Variants in DNM3 observed in about 807,000 individuals in gnomAD.
DNM3 encodes dynamin-3.
A neutral mutation model predicts 101.6 loss-of-function variants in DNM3; 47 were observed. The observed-to-expected ratio is 0.46, with a 90% CI of 0.37 to 0.59. DNM3 has a LOEUF of 0.59. Among genes scored for constraint, DNM3 ranks in the 20% least tolerant of loss-of-function variants. DNM3 has a pLI of 0.00. For missense variants in DNM3, 849 were observed against 1,085.7 expected, an observed-to-expected ratio of 0.78 and a Z score of 3.06; for synonymous variants, 385 against 387.9, an observed-to-expected ratio of 0.99 and a Z score of 0.09.
chr1:172,101,868 T>C (rs1161801668), intron 13 of DNM3, among the ~76,000 whole-genome samples: 2 of 138,116 alleles, frequency 1.4e-5, no homozygotes, highest in Admixed American at 1.5e-4. Context: ...TATTACTTAA[T>C]TTTTTTTTTT....
chr1:172,088,191 G>A (rs2053663719), intron 12 of DNM3, among the ~76,000 whole-genome samples: 2 of 152,154 alleles, frequency 1.3e-5, no homozygotes, highest in African/African-American at 2.4e-5. Context: ...GGCATTGTTG[G>A]AAACCCAACT....
chr1:171,965,919 C>T (rs2043555514), intron 2 of DNM3, among the ~76,000 whole-genome samples: 1 of 152,076 alleles, frequency 6.6e-6, no homozygotes, highest in South Asian at 2.1e-4. Flanking sequence ...AGAATCCCCC[C>T]ATTAGCGTAA....
chr1:172,307,356 C>G (rs1171510246), intron 15 of DNM3, among the ~76,000 whole-genome samples: 1 of 152,048 alleles, frequency 6.6e-6, no homozygotes, highest in Non-Finnish European at 1.5e-5. Context: ...GAATGGCGAT[C>G]AATAAAGTCA....
chr1:172,199,368 G>T (rs562892307), intron 14 of DNM3, among the ~76,000 whole-genome samples: 6 of 152,152 alleles, frequency 3.9e-5, no homozygotes, highest in African/African-American at 1.4e-4. Context: ...GTAGCAAGGA[G>T]AAGAATGTAT....
intron 15 of DNM3, among the ~76,000 whole-genome samples, chr1:172,284,078 C>T (rs937647833): frequency 2.0e-5 from 3 of 152,298 alleles, no homozygotes; most frequent in Admixed American, 6.5e-5. Context: ...AATAATCTCA[C>T]AGCTGCTACG....
At chr1:172,294,268 T>C (rs1351784378) in intron 15 of DNM3, among the ~76,000 whole-genome samples, 1 of 152,190 alleles carries the variant, frequency 6.6e-6, no homozygotes, top group Non-Finnish European at 1.5e-5. Flanking sequence ...TCATTCTGCT[T>C]GTTTTGGTTT....
Position 172,308,743 on chromosome 1 carries a change from C to G in DNM3, c.1785C>G (p.Asp595Glu). The G allele has an allele frequency of 1.9e-6, 3 of 1,590,904 alleles. No homozygotes were observed. Among genetic ancestry groups the G allele is most frequent in the Non-Finnish European group, 2.6e-6 (3 of 1,170,220 alleles). The change falls in exon 16 of 21, where the codon GAC becomes GAG. Residue 595 changes from aspartate to glutamate, a missense_variant. Asp to Glu is a conservative substitution (Grantham distance 45). Around this residue, in one of 5 missense-constraint regions of DNM3, gnomAD observed 193 missense variants for 238.4 expected, o/e 0.81. Coordinates refer to ENST00000627582, the MANE Select transcript of DNM3 (RefSeq NM_015569.5). ...TTAACTCCAGGAATGTATACAAAGA[C>G]TATCGCTTCCTTGAGCTGGCATGTG... Reference protein sequence around the residue: ...FNTEQRNVYKDYRFLELACDS... With the variant: ...FNTEQRNVYKEYRFLELACDS...
intron 14 of DNM3, among the ~76,000 whole-genome samples, chr1:172,195,705 A>C (rs1170237340): frequency 6.6e-6 from 1 of 151,904 alleles, no homozygotes; most frequent in Non-Finnish European, 1.5e-5. Flanking sequence ...TAATATGCTG[A>C]TGTGAAGGAT....
intron 2 of DNM3, among the ~76,000 whole-genome samples, chr1:171,923,154 A>G (rs77040807): frequency 0.042 from 6,469 of 152,282 alleles, 457 homozygotes; most frequent in African/African-American, 0.15. Context: ...CCCATTTTAC[A>G]TTCCTACCGG....
At chr1:172,350,415 A>AT (rs1231416221) in intron 17 of DNM3, among the ~76,000 whole-genome samples, 8 of 151,630 alleles carry the variant, frequency 5.3e-5, no homozygotes, top group East Asian at 1.9e-4. Context: ...AGAGAGCTGG[A>AT]TTTTTTTTGC....
intron 14 of DNM3, among the ~76,000 whole-genome samples, chr1:172,209,438 A>G (rs572394124): frequency 2.1e-4 from 32 of 152,122 alleles, no homozygotes; most frequent in Non-Finnish European, 2.9e-4. Flanking sequence ...TCATTTTTCA[A>G]CTTTACTTAT....
At chr1:171,886,866 T>C (rs1281290810) in intron 1 of DNM3, among the ~76,000 whole-genome samples, 1 of 152,130 alleles carries the variant, frequency 6.6e-6, no homozygotes, top group African/African-American at 2.4e-5. Flanking sequence ...TTTTTTTTTG[T>C]GAGTTGGCAC....
At chr1:172,287,234 A>T (rs1207156282) in intron 15 of DNM3, among the ~76,000 whole-genome samples, 2 of 152,176 alleles carry the variant, frequency 1.3e-5, no homozygotes, top group Admixed American at 1.3e-4. Flanking sequence ...TTATTTTAGC[A>T]TTTGGGGATG....
At chr1:172,396,581 A>T (rs1337781708) in intron 20 of DNM3, among the ~76,000 whole-genome samples, 1 of 152,228 alleles carries the variant, frequency 6.6e-6, no homozygotes, top group African/African-American at 2.4e-5. Context: ...AGAATCCCTC[A>T]GCTTCTATGG....
At chr1:172,121,699 T>A (rs1172180519) in intron 13 of DNM3, among the ~76,000 whole-genome samples, 1 of 152,226 alleles carries the variant, frequency 6.6e-6, no homozygotes, top group Non-Finnish European at 1.5e-5. Flanking sequence ...TTATAAAATC[T>A]TTGTTAGTTG....
chr1:171,935,985 A>G (rs1558292135), intron 2 of DNM3, among the ~76,000 whole-genome samples: 1 of 151,332 alleles, frequency 6.6e-6, no homozygotes, highest in East Asian at 1.9e-4. Flanking sequence ...GAAACAATCC[A>G]TTTGGAATTT....
intron 4 of DNM3, among the ~76,000 whole-genome samples, chr1:172,007,103 A>G (rs747621159): frequency 1.3e-5 from 2 of 152,090 alleles, no homozygotes; most frequent in Non-Finnish European, 1.5e-5. Context: ...GCTATTGCAA[A>G]TAAAGCTGCT....
intron 15 of DNM3, among the ~76,000 whole-genome samples, chr1:172,274,114 C>T (rs1464032947): frequency 6.6e-6 from 1 of 152,030 alleles, no homozygotes; most frequent in Admixed American, 6.6e-5. Flanking sequence ...AAGTCAAACT[C>T]ATGTCAGCTA....
chr1:172,219,757 G>C (rs2060840357), intron 14 of DNM3, among the ~76,000 whole-genome samples: 2 of 152,156 alleles, frequency 1.3e-5, no homozygotes, highest in Non-Finnish European at 1.5e-5. Context: ...GAGAAAACCA[G>C]GCTGTAGCTC....
Sources: allele counts gnomAD v4.1 joint callset (sites outside exome capture counted in the v4.1 genomes callset), GRCh38; gene constraint gnomAD v4.1.1; regional missense constraint gnomAD v4.1.1; transcripts MANE v1.5; gene names NCBI Gene and HGNC (gene_info 2026-07-23, HGNC 2026-07-21).